Variants in ADGRA1 observed in about 807,000 individuals in gnomAD.
The protein encoded by ADGRA1 is G-protein coupled receptor 123.
Under a neutral mutation model 21.3 loss-of-function variants are expected in ADGRA1, and 12 were observed. The observed-to-expected ratio is 0.56, with a 90% CI of 0.36 to 0.91. The LOEUF (loss-of-function observed/expected upper bound fraction) is 0.91. Ranked by LOEUF, ADGRA1 falls within the 40% of genes least tolerant of loss-of-function variation. The probability of loss-of-function intolerance (pLI) is 0.01; values close to 1 mark genes in which losing one functional copy is unlikely to be tolerated. For synonymous variants in ADGRA1, 385 were observed against 368.8 expected (o/e 1.04, Z -0.50); for missense variants, 790 against 805.6 (o/e 0.98, Z 0.23).
intron 5 of ADGRA1, among the ~76,000 whole-genome samples, chr10:133,121,491 G>C (rs1591186049): frequency 6.7e-6 from 1 of 150,022 alleles, no homozygotes; most frequent in Admixed American, 6.6e-5. Flanking sequence ...TGTGGTGTGT[G>C]CCAGTGTGCG....
chr10:133,128,857 C>A lies in ADGRA1; in HGVS notation c.1029C>A (p.Cys343Ter). The change falls in exon 7 of 7, where the codon TGC becomes TGA. Residue 343 changes from cysteine (C) to a stop codon, truncating the protein, a stop_gained. Coordinates refer to ENST00000392607, the MANE Select transcript of ADGRA1 (RefSeq NM_001083909.3). LOFTEE classifies it low-confidence loss of function (END_TRUNC). ...GGGCCGCGCTGGGCCGCGCCGCCTG[C>A]CTGCACTCGCCGGGACTGGGCCAGC... ...ANGAALGRAACLHSPGLGQPR... is the reference protein window; with the variant it reads ...ANGAALGRAA 6.3e-7 allele frequency: 1 copy of A among 1,581,554 alleles called. No homozygotes were observed. The highest frequency in any genetic ancestry group is 1.3e-5 in the African/African-American group (1 of 74,282).
At chr10:133,102,625 C>T (rs1033607551) in intron 4 of ADGRA1, 72 bp from the exon 5 acceptor site, 2 of 1,523,998 alleles carry the variant, frequency 1.3e-6, no homozygotes, top group Admixed American at 3.9e-5. Flanking sequence ...AGTTGCAAGC[C>T]CGGGCCGAGG....
In ADGRA1 at chr10:133,100,325, G is replaced by A. The variant is rs543270033; in HGVS notation, c.255+1562G>A. Among the ~76,000 whole-genome samples the A allele has an allele frequency of 4.7e-4, 72 of 152,350 alleles. 1 individual carries two copies. Among genetic ancestry groups the A allele is most frequent in the African/African-American group, 1.6e-3 (65 of 41,576 alleles). On this transcript the variant is annotated intron_variant, in intron 4 of 6. Transcript: ENST00000392607. ...CAAGTGCCCGGGAAACGCCATTGACGTCCCGCCTGTAAGTGCCTGCGAGAG... is the reference window on the plus strand; with the variant it reads ...CAAGTGCCCGGGAAACGCCATTGACATCCCGCCTGTAAGTGCCTGCGAGAG...
At chr10:133,113,769 C>T (rs1478982010) in intron 5 of ADGRA1, among the ~76,000 whole-genome samples, 2 of 152,080 alleles carry the variant, frequency 1.3e-5, no homozygotes, top group East Asian at 1.9e-4. Context: ...GGGAGGGAGC[C>T]GAGGGAGCTT....
chr10:133,122,981 C>G (rs556681652), intron 5 of ADGRA1, among the ~76,000 whole-genome samples: 1 of 152,244 alleles, frequency 6.6e-6, no homozygotes, highest in Non-Finnish European at 1.5e-5. Context: ...ATCCTGTAAC[C>G]GTCGGTAGCT....
chr10:133,115,957 C>T (rs1291021315), intron 5 of ADGRA1, among the ~76,000 whole-genome samples: 1 of 152,160 alleles, frequency 6.6e-6, no homozygotes, highest in Admixed American at 6.5e-5. Flanking sequence ...CTCTCCCTAA[C>T]TTATCCCTCC....
chr10:133,114,290 A>T (rs1852115677), intron 5 of ADGRA1, among the ~76,000 whole-genome samples: 1 of 152,220 alleles, frequency 6.6e-6, no homozygotes, highest in South Asian at 2.1e-4. Context: ...GTCCTGGGAC[A>T]CAGACCTCGC....
chr10:133,126,111 G>C (rs918803587), intron 5 of ADGRA1, among the ~76,000 whole-genome samples: 2 of 152,168 alleles, frequency 1.3e-5, no homozygotes, highest in South Asian at 4.1e-4. Flanking sequence ...ACGGACCCTC[G>C]GCCCAAGGCC....
rs1248901121 is a variant in ADGRA1 at position 133,128,539 on chromosome 10, A to G, written c.711A>G (p.Ala237=). 6 of 1,550,456 alleles carry G rather than the reference A, an allele frequency of 3.9e-6. No homozygotes were observed. Residue 237 remains alanine, a synonymous_variant, in exon 7 of 7, where the codon GCA becomes GCG. Coordinates refer to ENST00000392607, the MANE Select transcript of ADGRA1 (RefSeq NM_001083909.3). ...GGATCCGGCCAGGCACCCCACCCGC[A>G]CACGATGCCCCCGGCGCCTCCGTGC... ...GRGIRPGTPP[A]HDAPGASVLQ...
intron 2 of ADGRA1, among the ~76,000 whole-genome samples, chr10:133,091,209 C>T (rs189382603): frequency 2.3e-4 from 35 of 152,372 alleles, no homozygotes; most frequent in Admixed American, 8.5e-4. Context: ...TGAAAAGCCA[C>T]AGATCCTGCC....
At chr10:133,116,988 C>T (rs1205090327) in intron 5 of ADGRA1, among the ~76,000 whole-genome samples, 1 of 152,168 alleles carries the variant, frequency 6.6e-6, no homozygotes, top group Non-Finnish European at 1.5e-5. Flanking sequence ...CCCATCCAGT[C>T]ACTGGAGCAG....
At chr10:133,114,184 G>A (rs12354680) in intron 5 of ADGRA1, among the ~76,000 whole-genome samples, 27,055 of 152,230 alleles carry the variant, frequency 0.18, 2,637 homozygotes, top group Non-Finnish European at 0.22. Flanking sequence ...CCCTGAGCAG[G>A]AGCAGAGGGC....
At position 133,087,957 on chromosome 10, in the gene ADGRA1, C is replaced by T. The variant is rs918555162; in HGVS notation, c.-384C>T. On this transcript the variant is annotated 5_prime_UTR_variant, in exon 1 of 7. Transcript: ENST00000392607. ...GGCGGCGCTGCTGGCCGGGCTGGGC[C>T]GCTCGTGCGCGGGGCTGTGACTCAC... The T allele has an allele frequency of 2.5e-5, 25 of 984,880 alleles. No individual in the cohort carries two copies. In the South Asian group the frequency reaches 5.2e-4, roughly 20 times the overall value. The allele number at this position is 984,880 out of a possible 1,614,324, so 61.0% of individuals were successfully genotyped here. A position where few individuals can be genotyped will look rare whatever the true frequency, so the allele number is the denominator to read the frequency against.
In ADGRA1 at chr10:133,098,740, A is replaced by G. The variant is rs1234429063; in HGVS notation, c.232A>G (p.Lys78Glu). The G allele has an allele frequency of 1.9e-6, 3 of 1,611,686 alleles. No homozygotes were observed. The highest frequency in any genetic ancestry group is 2.5e-6 in the Non-Finnish European group (3 of 1,179,932). Reference protein sequence around the residue: ...TVFAGGINRTKYPILCQAVGI... With the variant: ...TVFAGGINRTEYPILCQAVGI... ...GTTCGCCGGCGGCATCAATCGCACCAAGTACCCCATCCTGTGCCAGGCGGT... is the reference window on the plus strand; with the variant it reads ...GTTCGCCGGCGGCATCAATCGCACCGAGTACCCCATCCTGTGCCAGGCGGT... The change falls in exon 4 of 7, where the codon AAG becomes GAG. Residue 78 changes from lysine (K) to glutamate (E), a missense_variant. Physicochemically the swap from Lys to Glu is moderately conservative, Grantham distance 56. Transcript: ENST00000392607.
At chr10:133,091,666 G>C (rs1416551054) in intron 2 of ADGRA1, among the ~76,000 whole-genome samples, 35 of 152,230 alleles carry the variant, frequency 2.3e-4, no homozygotes, top group Admixed American at 2.3e-3. Context: ...GGCGCTGTTT[G>C]CTGCACCCTG....
At chr10:133,112,508 T>C (rs1591180614) in intron 5 of ADGRA1, among the ~76,000 whole-genome samples, 1 of 127,758 alleles carries the variant, frequency 7.8e-6, no homozygotes, top group African/African-American at 3.0e-5. Context: ...CTGTAAGCAG[T>C]GTTGGTTATT....
At chr10:133,110,114 C>T (rs1340960574) in intron 5 of ADGRA1, among the ~76,000 whole-genome samples, 1 of 152,262 alleles carries the variant, frequency 6.6e-6, no homozygotes, top group Non-Finnish European at 1.5e-5. Flanking sequence ...AGACATCCAG[C>T]AGGGTCCAAG....
At chr10:133,092,751 G>GGGAAGGA (rs1564842382) in intron 2 of ADGRA1, among the ~76,000 whole-genome samples, 2 of 77,588 alleles carry the variant, frequency 2.6e-5, no homozygotes, top group African/African-American at 1.3e-4. Flanking sequence ...AATAGGGAGG[G>GGGAAGGA]AGGAAGGAAG....
At chr10:133,111,954 T>A (rs11596334) in intron 5 of ADGRA1, among the ~76,000 whole-genome samples, 1,624 of 18,494 alleles carry the variant, frequency 0.088, 370 homozygotes, top group African/African-American at 0.18. Flanking sequence ...TCCTAATCCC[T>A]CCAGACCACC....
Sources: gnomAD v4.1 joint callset for allele counts (sites outside exome capture counted in the v4.1 genomes callset) on GRCh38, gnomAD v4.1.1 for gene constraint, MANE v1.5 for transcripts, NCBI Gene and HGNC (gene_info 2026-07-23, HGNC 2026-07-21) for gene names.